BEAN1: variants seen among roughly 807,000 people sequenced by gnomAD.
BEAN1 encodes protein BEAN1.
In BEAN1, 17 loss-of-function variants were observed where a neutral mutation model predicts 17.7. The observed-to-expected ratio is 0.96, with a 90% confidence interval of 0.66 to 1.44. The LOEUF is 1.44. BEAN1 is among the 40% of genes most tolerant of loss of function. The pLI is 0.00. For synonymous variants in BEAN1, 142 were observed against 151.8 expected (o/e 0.94, Z 0.47); for missense variants, 359 against 374.1 (o/e 0.96, Z 0.33).
rs771304390 is a variant in BEAN1 at position 66,471,625 on chromosome 16, C to A, written c.289+1760C>A. On this transcript the variant is annotated intron_variant, in intron 3 of 4. Transcript: ENST00000536005. This position sits in a 1 kb window ranked among gnomAD's most constrained non-coding sequence, Gnocchi z 4.7. ...TTGTGTAAGACACAGAGGGACATCCCGGGATGAGTCGGACAAGTGGCCACA... is the reference window on the plus strand; with the variant it reads ...TTGTGTAAGACACAGAGGGACATCCAGGGATGAGTCGGACAAGTGGCCACA... 6.6e-6 allele frequency among the ~76,000 whole-genome samples: 1 copy of A among 152,224 alleles called. No homozygotes were observed. The highest frequency in any genetic ancestry group is 1.5e-5 in the Non-Finnish European group (1 of 68,042).
intron 2 of BEAN1, among the ~76,000 whole-genome samples, chr16:66,455,444 G>A (rs563030374): frequency 6.6e-6 from 1 of 152,332 alleles, no homozygotes; most frequent in Non-Finnish European, 1.5e-5. Flanking sequence ...AAGAAGGAAT[G>A]ATTTCCTTTC....
At chr16:66,437,029 C>A (rs367752078) in intron 1 of BEAN1, among the ~76,000 whole-genome samples, 1 of 152,228 alleles carries the variant, frequency 6.6e-6, no homozygotes, top group South Asian at 2.1e-4. Flanking sequence ...GGGCAAGCTG[C>A]ATAACCACTG....
At chr16:66,435,534 C>T (rs1055851667) in intron 1 of BEAN1, among the ~76,000 whole-genome samples, 4 of 152,202 alleles carry the variant, frequency 2.6e-5, no homozygotes, top group African/African-American at 9.7e-5. Context: ...GTCACCCAGG[C>T]TGGAGTGCAG....
intron 2 of BEAN1, among the ~76,000 whole-genome samples, chr16:66,446,342 G>T (rs1013866430): frequency 6.6e-6 from 1 of 152,134 alleles, no homozygotes; most frequent in Non-Finnish European, 1.5e-5. Context: ...GGATAAGGAA[G>T]GGGTCAAAAA....
rs753445501 is a variant in BEAN1, at chr16:66,469,873, G to A, written c.289+8G>A. The A allele has an allele frequency of 1.6e-5, 25 of 1,531,524 alleles. No homozygotes were observed. The highest frequency in any genetic ancestry group is 2.0e-4 in the Middle Eastern group (1 of 4,890). The allele number at this position is 1,531,524 out of a possible 1,614,324, so 94.9% of individuals were successfully genotyped here. ...AGTACGAGCACGGCTACGGTGAGCCGCCGCCCACCCTGGGGCCCTGGGACC... is the reference window on the plus strand; with the variant it reads ...AGTACGAGCACGGCTACGGTGAGCCACCGCCCACCCTGGGGCCCTGGGACC... On this transcript the variant is annotated splice_region_variant and intron_variant, in intron 3 of 4. Coordinates refer to ENST00000536005, the MANE Select transcript of BEAN1 (RefSeq NM_001178020.3).
At chr16:66,442,964 C>G (rs1002721879) in intron 2 of BEAN1, among the ~76,000 whole-genome samples, 10 of 152,310 alleles carry the variant, frequency 6.6e-5, no homozygotes, top group Admixed American at 5.9e-4. Context: ...CTGCAGAGAC[C>G]TAGCTACCAA....
chr16:66,480,530 G>GGCACTGGGTCACTGC, intron 4 of BEAN1, 56 bp from the exon 5 acceptor site: 1 of 1,384,368 alleles, frequency 7.2e-7, no homozygotes, highest in Non-Finnish European at 9.7e-7. Flanking sequence ...AGGCCTTTGG[G>GGCACTGGGTCACTGC]AGAGACCCAG....
At chr16:66,488,386 C>T (rs1964117731) in intron 4 of BEAN1, among the ~76,000 whole-genome samples, 2 of 151,964 alleles carry the variant, frequency 1.3e-5, no homozygotes, top group South Asian at 4.2e-4. Context: ...TACTCTTCAA[C>T]ACAACTCAGG....
At chr16:66,462,690 A>C (rs1328999796) in intron 2 of BEAN1, among the ~76,000 whole-genome samples, 1 of 152,098 alleles carries the variant, frequency 6.6e-6, no homozygotes, top group Non-Finnish European at 1.5e-5. Context: ...AATCCCAGCT[A>C]CTTGGGAGGC....
chr16:66,487,060 T>G (rs1274701757), downstream of BEAN1, among the ~76,000 whole-genome samples: 3 of 152,176 alleles, frequency 2.0e-5, no homozygotes, highest in Non-Finnish European at 4.4e-5. Context: ...CACTGCCCAC[T>G]GGGAGGGGCC....
intron 2 of BEAN1, among the ~76,000 whole-genome samples, chr16:66,446,360 G>A (rs951040555): frequency 1.3e-5 from 2 of 152,128 alleles, no homozygotes; most frequent in African/African-American, 2.4e-5. Flanking sequence ...AAAGGACAGC[G>A]TTTGGGGCTT....
chr16:66,474,610 G>GAGGGAGGAAGGAAGGGAGGA (rs1963644686), intron 3 of BEAN1, among the ~76,000 whole-genome samples: 1 of 12,366 alleles, frequency 8.1e-5, no homozygotes, highest in African/African-American at 4.6e-4. Flanking sequence ...GGGAGAGAGG[G>GAGGGAGGAAGGAAGGGAGGA]AGGGAGGAAG....
intron 1 of BEAN1, among the ~76,000 whole-genome samples, chr16:66,436,006 AC>A (rs1962000949): frequency 6.6e-6 from 1 of 151,922 alleles, no homozygotes; most frequent in Admixed American, 6.6e-5. Flanking sequence ...CCCCCTCATG[AC>A]CCCTGCAGGG....
At chr16:66,487,898 G>A (rs1204641715) in intron 4 of BEAN1, among the ~76,000 whole-genome samples, 2 of 152,170 alleles carry the variant, frequency 1.3e-5, no homozygotes, top group Admixed American at 1.3e-4. Flanking sequence ...GAGAGAGCAG[G>A]TTCTCACGAA....
downstream of BEAN1, among the ~76,000 whole-genome samples, chr16:66,494,987 T>A (rs759507462): frequency 6.6e-6 from 1 of 152,090 alleles, no homozygotes; most frequent in Admixed American, 6.6e-5. Context: ...ATCTGTGAAA[T>A]GGGAAAAATT....
At chr16:66,439,234 G>A (rs547530237) in intron 2 of BEAN1, among the ~76,000 whole-genome samples, 5 of 152,260 alleles carry the variant, frequency 3.3e-5, no homozygotes, top group East Asian at 3.9e-4. Flanking sequence ...CTGGGTACCC[G>A]AGGAGGGGTA....
intron 3 of BEAN1, chr16:66,476,271 T>TA (rs2064686162): frequency 6.6e-6 from 1 of 152,100 alleles, no homozygotes; most frequent in Non-Finnish European, 1.5e-5. Context: ...TACCTGCAGA[T>TA]AGAGTTTCAT....
chr16:66,453,342 TACACACAC>T (rs34867737), intron 2 of BEAN1, among the ~76,000 whole-genome samples: 1 of 147,732 alleles, frequency 6.8e-6, no homozygotes, highest in African/African-American at 2.5e-5. Flanking sequence ...CATTCTGTTA[TACACACAC>T]ACACACACAC....
downstream of BEAN1, chr16:66,485,008 G>T (rs564898384): frequency 4.0e-5 from 18 of 454,120 alleles, no homozygotes; most frequent in East Asian, 1.2e-3. Context: ...TTGGGTCCCC[G>T]TGTATGGGTG....
Sources: gnomAD v4.1 joint callset for allele counts (sites outside exome capture counted in the v4.1 genomes callset) on GRCh38, gnomAD v4.1.1 for gene constraint, Gnocchi (gnomAD v3.1) non-coding constraint, MANE v1.5 for transcripts, NCBI Gene and HGNC (gene_info 2026-07-23, HGNC 2026-07-21) for gene names.